The following TTBK2 variants were observed in gnomAD, a reference collection of about 807,000 sequenced individuals.
TTBK2 encodes the protein tau-tubulin kinase 2.
Under a neutral mutation model 110.8 loss-of-function variants are expected in TTBK2, and 28 were observed. The observed-to-expected ratio is 0.25, with a 90% CI of 0.19 to 0.35. The LOEUF (loss-of-function observed/expected upper bound fraction) is 0.35, where lower values mean the gene tolerates loss of function less well. Ranked by LOEUF, TTBK2 falls within the 10% of genes least tolerant of loss-of-function variation. TTBK2 has a pLI of 1.00. For synonymous variants in TTBK2, 532 were observed against 527.3 expected, an observed-to-expected ratio of 1.01 and a Z score of -0.12; for missense variants, 1,369 against 1,500.3, an observed-to-expected ratio of 0.91 and a Z score of 1.45.
intron 2 of TTBK2, among the ~76,000 whole-genome samples, chr15:42,877,287 A>G (rs564315911): frequency 6.6e-6 from 1 of 152,332 alleles, no homozygotes; most frequent in Non-Finnish European, 1.5e-5. Flanking sequence ...AAGGCTCACA[A>G]TAACATTTAT....
At chr15:42,791,032 T>C (rs1181891000) in intron 10 of TTBK2, among the ~76,000 whole-genome samples, 5 of 152,232 alleles carry the variant, frequency 3.3e-5, no homozygotes, top group South Asian at 2.1e-4. Context: ...TATAGGCACC[T>C]GCCACCATGC....
intron 8 of TTBK2, among the ~76,000 whole-genome samples, chr15:42,811,076 G>A (rs895592640): frequency 3.9e-5 from 6 of 152,056 alleles, no homozygotes; most frequent in African/African-American, 7.3e-5. Flanking sequence ...CTGCAGCCTC[G>A]ACCTTTGAGA....
chr15:42,842,705 G>C (rs1240038550), intron 3 of TTBK2, among the ~76,000 whole-genome samples: 1 of 150,388 alleles, frequency 6.6e-6, no homozygotes, highest in Non-Finnish European at 1.5e-5. Context: ...GGGCAACATA[G>C]CAAGACCCCT....
At chr15:42,892,672 T>C (rs1596030520) in intron 1 of TTBK2, among the ~76,000 whole-genome samples, 2 of 122,090 alleles carry the variant, frequency 1.6e-5, no homozygotes, top group East Asian at 4.9e-4. Context: ...AAGACTGCAC[T>C]CTAGCCTGGA....
At chr15:42,774,574 C>T (rs568926051) in intron 13 of TTBK2, among the ~76,000 whole-genome samples, 4 of 152,174 alleles carry the variant, frequency 2.6e-5, no homozygotes, top group Non-Finnish European at 5.9e-5. Context: ...TGAGCACGCT[C>T]TTCCCCAGAC....
At chr15:42,853,991 A>G (rs1893829850) in intron 3 of TTBK2, among the ~76,000 whole-genome samples, 1 of 152,208 alleles carries the variant, frequency 6.6e-6, no homozygotes, top group South Asian at 2.1e-4. Context: ...GTTGGAACAC[A>G]GTGGCATAAT....
intron 1 of TTBK2, among the ~76,000 whole-genome samples, chr15:42,914,841 C>A (rs1264261975): frequency 6.6e-6 from 1 of 152,146 alleles, no homozygotes; most frequent in Non-Finnish European, 1.5e-5. Flanking sequence ...TTCCCTGAAC[C>A]CACCTCTTGA....
At chr15:42,749,599 A>G (rs2061838727) in intron 14 of TTBK2, among the ~76,000 whole-genome samples, 1 of 152,216 alleles carries the variant, frequency 6.6e-6, no homozygotes, top group African/African-American at 2.4e-5. Context: ...GCTGCTTCTG[A>G]TCACAGAAGA....
intron 13 of TTBK2, among the ~76,000 whole-genome samples, chr15:42,772,598 G>A (rs1481980791): frequency 2.6e-5 from 4 of 152,082 alleles, no homozygotes; most frequent in African/African-American, 9.7e-5. Flanking sequence ...GATAACATAT[G>A]GGTGATGTTA....
chr15:42,818,667 CG>C (rs1892150489), intron 6 of TTBK2, among the ~76,000 whole-genome samples: 1 of 151,998 alleles, frequency 6.6e-6, no homozygotes, highest in Non-Finnish European at 1.5e-5. Context: ...TTAAAGTGAG[CG>C]GAGATCGCGC....
chr15:42,796,688 C>A (rs1470743683), intron 9 of TTBK2, among the ~76,000 whole-genome samples: 1 of 152,224 alleles, frequency 6.6e-6, no homozygotes, highest in Non-Finnish European at 1.5e-5. Flanking sequence ...ATTAATTTCT[C>A]TTTCAACCCA....
intron 1 of TTBK2, among the ~76,000 whole-genome samples, chr15:42,903,072 G>T (rs368848609): frequency 6.6e-6 from 1 of 151,664 alleles, no homozygotes. Context: ...CTGTTGCCCA[G>T]GCTCTGTCGC....
At chr15:42,884,165 G>A (rs888113789) in intron 1 of TTBK2, among the ~76,000 whole-genome samples, 18 of 152,108 alleles carry the variant, frequency 1.2e-4, no homozygotes, top group African/African-American at 3.6e-4. Context: ...GGTTATAACT[G>A]GAGTAGACAA....
chr15:42,902,776 T>C (rs946107170), intron 1 of TTBK2, among the ~76,000 whole-genome samples: 2 of 152,024 alleles, frequency 1.3e-5, no homozygotes, highest in African/African-American at 2.4e-5. Flanking sequence ...GAGAATTGCT[T>C]GAGCTCAGAA....
chr15:42,801,647 A>G lies in TTBK2; in HGVS notation c.823-6846T>C, dbSNP rs1891210195. 3.5e-6 allele frequency: 3 copies of G among 863,696 alleles called. No individual in the cohort carries two copies. In the Middle Eastern group the frequency reaches 6.6e-4, roughly 191 times the overall value. 53.5% of individuals were successfully genotyped at this position (863,696 alleles called of 1,614,324 possible). On this transcript the variant is annotated intron_variant, in intron 9 of 14. Transcript: ENST00000267890. ...CTTGACCTCAGGGATGATGCTGTCC[A>G]TGTCCAGGAAGCGGCTGTTGTCCAT...
At chr15:42,914,803 G>A (rs1159466991) in intron 1 of TTBK2, among the ~76,000 whole-genome samples, 3 of 152,184 alleles carry the variant, frequency 2.0e-5, no homozygotes, top group Non-Finnish European at 4.4e-5. Context: ...TATGTAGAAT[G>A]AACTGTGGCT....
chr15:42,834,618 T>C (rs1201729332), intron 4 of TTBK2, among the ~76,000 whole-genome samples: 1 of 152,036 alleles, frequency 6.6e-6, no homozygotes, highest in African/African-American at 2.4e-5. Context: ...ATGAGACAAT[T>C]TGAATATTAA....
intron 10 of TTBK2, among the ~76,000 whole-genome samples, chr15:42,793,829 C>T (rs1210759388): frequency 6.6e-6 from 1 of 151,040 alleles, no homozygotes; most frequent in African/African-American, 2.4e-5. Flanking sequence ...AAGAATGAAA[C>T]TCCATGTTTA....
At chr15:42,874,912 G>C (rs1013305579) in intron 2 of TTBK2, among the ~76,000 whole-genome samples, 1 of 150,726 alleles carries the variant, frequency 6.6e-6, no homozygotes, top group African/African-American at 2.4e-5. Context: ...CTTGAACCTG[G>C]GAGGCAGAGG....
Sources: allele counts gnomAD v4.1 joint callset (sites outside exome capture counted in the v4.1 genomes callset), GRCh38; gene constraint gnomAD v4.1.1; transcripts MANE v1.5; gene names NCBI Gene and HGNC (gene_info 2026-07-23, HGNC 2026-07-21).